The following MYT1L variants were observed in gnomAD, a reference collection of about 807,000 sequenced individuals.
The protein encoded by MYT1L is myelin transcription factor 1 like.
In MYT1L, 12 loss-of-function variants were observed where a neutral mutation model predicts 126.7. The ratio of observed to expected loss-of-function variants is 0.09; its 90% CI spans 0.06 to 0.15. The LOEUF (loss-of-function observed/expected upper bound fraction) is 0.15. MYT1L is among the 10% of genes least tolerant of loss of function. The pLI is 1.00. For missense variants in MYT1L, 979 were observed against 1,585.2 expected (o/e 0.62, Z 6.49); for synonymous variants, 541 against 604.2 (o/e 0.90, Z 1.53).
At chr2:2,236,590 A>G (rs1411935740) in intron 2 of MYT1L, among the ~76,000 whole-genome samples, 5 of 144,674 alleles carry the variant, frequency 3.5e-5, no homozygotes, top group Non-Finnish European at 7.5e-5. Context: ...AGCCCAGCAC[A>G]TCCCAACCCA....
intron 4 of MYT1L, among the ~76,000 whole-genome samples, chr2:2,004,287 A>ATACGTTCTTTCC (rs2062842997): frequency 8.1e-6 from 1 of 123,806 alleles, no homozygotes; most frequent in Non-Finnish European, 1.7e-5. Context: ...TCTTTCCTGC[A>ATACGTTCTTTCC]TGCGTTCTTT....
chr2:2,120,093 C>T (rs889723329), intron 3 of MYT1L, among the ~76,000 whole-genome samples: 6 of 152,112 alleles, frequency 3.9e-5, no homozygotes, highest in African/African-American at 2.4e-5. Flanking sequence ...CCGTTCTTTG[C>T]CCCCCATGGT....
intron 1 of MYT1L, among the ~76,000 whole-genome samples, chr2:2,308,877 A>T (rs941379736): frequency 6.6e-6 from 1 of 151,716 alleles, no homozygotes; most frequent in African/African-American, 2.4e-5. Context: ...ACTTCAGCAT[A>T]TTCTATCTAT....
At chr2:2,284,812 T>C (rs2095495001) in intron 1 of MYT1L, among the ~76,000 whole-genome samples, 1 of 152,108 alleles carries the variant, frequency 6.6e-6, no homozygotes, top group Admixed American at 6.5e-5. Flanking sequence ...CAAGCGATTC[T>C]CCTGCCTCAG....
At chr2:2,243,848 C>A (rs568953195) in intron 2 of MYT1L, among the ~76,000 whole-genome samples, 13 of 152,226 alleles carry the variant, frequency 8.5e-5, no homozygotes, top group African/African-American at 2.9e-4. Context: ...CAAGGAGGCT[C>A]GAAGTTAGCT....
At position 1,923,085 on chromosome 2, in the gene MYT1L, A is replaced by G; in HGVS notation, c.684T>C (p.Asn228=). The change falls in exon 10 of 25, where the codon AAT becomes AAC. Residue 228 remains asparagine (N), a synonymous_variant. Coordinates refer to ENST00000647738, the MANE Select transcript of MYT1L (RefSeq NM_001303052.2). The part of the protein sequence containing the change: ...RARTESEMNS[N]TSNSLEDDSD... ...TATCGTCTTCCAGACTATTGGAGGTATTGCTGTTCATTTCTGACTCAGTCC... is the reference window on the plus strand; with the variant it reads ...TATCGTCTTCCAGACTATTGGAGGTGTTGCTGTTCATTTCTGACTCAGTCC... 1.2e-6 allele frequency: 2 copies of G among 1,613,992 alleles called. No homozygotes were observed. Among genetic ancestry groups the G allele is most frequent in the Non-Finnish European group, 1.7e-6 (2 of 1,179,898 alleles).
intron 2 of MYT1L, among the ~76,000 whole-genome samples, chr2:2,193,264 C>G (rs1049479929): frequency 6.6e-6 from 1 of 152,202 alleles, no homozygotes; most frequent in Non-Finnish European, 1.5e-5. Flanking sequence ...AGGCATGAGA[C>G]ACCATGCCCG....
At chr2:1,916,911 G>A (rs1161978855) in intron 11 of MYT1L, among the ~76,000 whole-genome samples, 1 of 152,184 alleles carries the variant, frequency 6.6e-6, no homozygotes, top group African/African-American at 2.4e-5. Flanking sequence ...AAGATGCCTG[G>A]AAGCAACCTG....
intron 8 of MYT1L, among the ~76,000 whole-genome samples, chr2:1,978,549 G>C (rs983408021): frequency 2.2e-4 from 34 of 152,112 alleles, no homozygotes; most frequent in Non-Finnish European, 1.2e-4. Context: ...CTTCCCCTTA[G>C]TTTCTAAAGG....
intron 8 of MYT1L, among the ~76,000 whole-genome samples, chr2:1,957,204 A>C (rs1005454500): frequency 6.6e-5 from 10 of 152,322 alleles, no homozygotes; most frequent in African/African-American, 2.4e-4. Flanking sequence ...ATGTCTATCC[A>C]TCTATCATCT....
At chr2:2,222,300 G>A (rs2093896573) in intron 2 of MYT1L, among the ~76,000 whole-genome samples, 1 of 152,048 alleles carries the variant, frequency 6.6e-6, no homozygotes, top group Non-Finnish European at 1.5e-5. Context: ...TTGGAGACCA[G>A]CCTGGCCAAC....
intron 14 of MYT1L, among the ~76,000 whole-genome samples, chr2:1,899,151 G>C (rs899915223): frequency 6.6e-6 from 1 of 152,198 alleles, no homozygotes; most frequent in Non-Finnish European, 1.5e-5. Context: ...ATAGGCCAGG[G>C]GTTGGCAACT....
intron 18 of MYT1L, among the ~76,000 whole-genome samples, chr2:1,863,848 G>T (rs2045072627): frequency 6.6e-6 from 1 of 152,236 alleles, no homozygotes; most frequent in African/African-American, 2.4e-5. Context: ...AAGGCAGAAA[G>T]AAATCTTGTT....
intron 2 of MYT1L, among the ~76,000 whole-genome samples, chr2:2,185,520 G>A (rs939551920): frequency 1.4e-5 from 2 of 145,422 alleles, no homozygotes; most frequent in Admixed American, 6.8e-5. Flanking sequence ...CGAGTCCCGC[G>A]TTCCTTCTGT....
rs555133446 is a variant in MYT1L, at chr2:1,876,660, C to T, written c.2711+9879G>A. 3.3e-5 allele frequency among the ~76,000 whole-genome samples: 5 copies of T among 152,302 alleles called. No homozygotes were observed. In the South Asian group the frequency reaches 1.0e-3, roughly 32 times the overall value. On this transcript the variant is annotated intron_variant, in intron 18 of 24. Coordinates refer to ENST00000647738, the MANE Select transcript of MYT1L (RefSeq NM_001303052.2). ...GCCATTGAAACCTCAGCACCTGCTG[C>T]CTCCCATCCCAGCCCTGCACCCCAC... is the stretch of plus-strand genomic sequence containing the variant.
chr2:1,881,372 G>A (rs1013860203), intron 18 of MYT1L, among the ~76,000 whole-genome samples: 2 of 147,378 alleles, frequency 1.4e-5, no homozygotes, highest in African/African-American at 4.9e-5. Context: ...GTGTGTGTGT[G>A]TGTGTGTGTG....
chr2:2,215,528 A>G (rs75359605), intron 2 of MYT1L, among the ~76,000 whole-genome samples: 2,410 of 152,326 alleles, frequency 0.016, 40 homozygotes, highest in Non-Finnish European at 0.025. Flanking sequence ...TTTAAAGGAC[A>G]TGAAGCAAAA....
rs2048507808 is a variant in MYT1L, at chr2:1,889,117, G to A, written c.2520+124C>T. 11 of 716,402 alleles carry A rather than the reference G, an allele frequency of 1.5e-5. No individual in the cohort carries two copies. In the South Asian group the frequency reaches 2.1e-4, roughly 14 times the overall value. The allele number at this position is 716,402 out of a possible 1,614,324, so 44.4% of individuals were successfully genotyped here. A position where few individuals can be genotyped will look rare whatever the true frequency, so the allele number is the denominator to read the frequency against. On this transcript the variant is annotated intron_variant, in intron 16 of 24. Coordinates refer to ENST00000647738, the MANE Select transcript of MYT1L (RefSeq NM_001303052.2). The surrounding 1 kb of genome is among the most constrained non-coding windows in gnomAD (Gnocchi z 4.1). ...AAAACTGTTTTCTAAGTCCTCCTCAGCTAAAGGTCATATTTAAAGAGAAAA... is the reference window on the plus strand; with the variant it reads ...AAAACTGTTTTCTAAGTCCTCCTCAACTAAAGGTCATATTTAAAGAGAAAA...
At chr2:2,257,408 T>C (rs1479320727) in intron 2 of MYT1L, among the ~76,000 whole-genome samples, 2 of 152,194 alleles carry the variant, frequency 1.3e-5, no homozygotes, top group Non-Finnish European at 1.5e-5. Context: ...TTGGCTGCGG[T>C]GGCTTATGCC....
Sources: gnomAD v4.1 joint callset for allele counts (sites outside exome capture counted in the v4.1 genomes callset) on GRCh38, gnomAD v4.1.1 for gene constraint, Gnocchi (gnomAD v3.1) non-coding constraint, MANE v1.5 for transcripts, NCBI Gene and HGNC (gene_info 2026-07-23, HGNC 2026-07-21) for gene names.